CNIH3: variants seen among roughly 807,000 people sequenced by gnomAD.
CNIH3 encodes protein cornichon homolog 3.
Under a neutral mutation model 24.1 loss-of-function variants are expected in CNIH3, and 14 were observed. The observed-to-expected ratio is 0.58, with a 90% CI of 0.38 to 0.91. The LOEUF (loss-of-function observed/expected upper bound fraction) is 0.91. Ranked by LOEUF, CNIH3 falls within the 40% of genes least tolerant of loss-of-function variation. The probability of loss-of-function intolerance (pLI) is 0.00; values close to 1 mark genes in which losing one functional copy is unlikely to be tolerated. For missense variants in CNIH3, 178 were observed against 196.8 expected, an observed-to-expected ratio of 0.90 and a Z score of 0.57; for synonymous variants, 68 against 73.8, an observed-to-expected ratio of 0.92 and a Z score of 0.40.
chr1:224,479,822 G>A (rs551255014), intron 1 of CNIH3, among the ~76,000 whole-genome samples: 1 of 152,176 alleles, frequency 6.6e-6, no homozygotes, highest in Non-Finnish European at 1.5e-5. Context: ...CTCCCTCCTG[G>A]CTGCTTTCAT....
intron 4 of CNIH3, among the ~76,000 whole-genome samples, chr1:224,569,654 G>A (rs1193927353): frequency 6.6e-6 from 1 of 152,146 alleles, no homozygotes; most frequent in East Asian, 1.9e-4. Context: ...CAGTGTGAGT[G>A]TTCTGGTTTT....
intron 4 of CNIH3, among the ~76,000 whole-genome samples, chr1:224,579,067 C>CTTTTTTTTTTTTTTTTTTTTTTTTTTT (rs60330387): frequency 7.2e-6 from 1 of 138,942 alleles, no homozygotes. Flanking sequence ...TTTCTTTTTT[C>CTTTTTTTTTTTTTTTTTTTTTTTTTTT]TTTTTTTTTT....
At chr1:224,464,784 TAA>T (rs1676085075) in intron 1 of CNIH3, among the ~76,000 whole-genome samples, 1 of 152,200 alleles carries the variant, frequency 6.6e-6, no homozygotes, top group African/African-American at 2.4e-5. Context: ...TTCTTTTTTT[TAA>T]AGATTTTATT....
intron 1 of CNIH3, among the ~76,000 whole-genome samples, chr1:224,651,944 G>A (rs766169663): frequency 6.6e-6 from 1 of 152,136 alleles, no homozygotes; most frequent in Non-Finnish European, 1.5e-5. Flanking sequence ...AGCCATGGGT[G>A]GGGGCTCCTT....
intron 1 of CNIH3, among the ~76,000 whole-genome samples, chr1:224,644,657 G>C (rs183678716): frequency 3.3e-4 from 50 of 152,170 alleles, no homozygotes; most frequent in African/African-American, 1.2e-3. Context: ...GCAGATGACT[G>C]TCCTTTATCC....
chr1:224,641,018 G>A (rs897912573), intron 1 of CNIH3, among the ~76,000 whole-genome samples: 19 of 152,204 alleles, frequency 1.2e-4, no homozygotes, highest in African/African-American at 4.3e-4. Context: ...CTTTGCATGT[G>A]CTATATTTGC....
At chr1:224,444,329 TA>T (rs1286239709) in intron 1 of CNIH3, among the ~76,000 whole-genome samples, 1 of 152,134 alleles carries the variant, frequency 6.6e-6, no homozygotes, top group Non-Finnish European at 1.5e-5. Flanking sequence ...AAGCAGGATC[TA>T]AAAAAGGCCC....
At chr1:224,503,377 CT>C (rs1432616839) in intron 1 of CNIH3, among the ~76,000 whole-genome samples, 1 of 152,138 alleles carries the variant, frequency 6.6e-6, no homozygotes, top group African/African-American at 2.4e-5. Context: ...CTTTGTTCCT[CT>C]TGTCTCTGTC....
At chr1:224,442,658 CTT>C (rs940454544) in intron 1 of CNIH3, among the ~76,000 whole-genome samples, 1 of 152,140 alleles carries the variant, frequency 6.6e-6, no homozygotes, top group African/African-American at 2.4e-5. Flanking sequence ...ATATTGTACT[CTT>C]TTAATCTTCC....
intron 3 of CNIH3, among the ~76,000 whole-genome samples, chr1:224,552,596 A>G (rs1392677455): frequency 6.6e-6 from 1 of 151,886 alleles, no homozygotes; most frequent in Non-Finnish European, 1.5e-5. Flanking sequence ...TCTCTTAGAT[A>G]TAATGAATAA....
At chr1:224,634,521 C>T (rs574340295) in intron 1 of CNIH3, among the ~76,000 whole-genome samples, 20 of 150,826 alleles carry the variant, frequency 1.3e-4, no homozygotes, top group Admixed American at 4.0e-4. Context: ...TGCAGTGAGC[C>T]GAGATTGTGC....
intron 2 of CNIH3, among the ~76,000 whole-genome samples, chr1:224,528,930 G>C (rs899330003): frequency 7.2e-5 from 11 of 152,228 alleles, no homozygotes; most frequent in African/African-American, 2.7e-4. Flanking sequence ...TTTGGAGAAT[G>C]TTGAGGTTCT....
At chr1:224,534,814 G>A (rs986477452) in intron 2 of CNIH3, among the ~76,000 whole-genome samples, 2 of 152,090 alleles carry the variant, frequency 1.3e-5, no homozygotes, top group African/African-American at 4.8e-5. Flanking sequence ...TTTCACAGCC[G>A]CATTACAGGG....
chr1:224,561,069 C>T lies in CNIH3; in HGVS notation n.451-5130C>T, dbSNP rs555507003. ...TTTGAGTTTCTTACCCTTTGTTCTA[C>T]TGGGTTCTCTGTTATTTTGCTTTTG... is the stretch of plus-strand genomic sequence containing the variant. On this transcript the variant is annotated intron_variant and non_coding_transcript_variant, in intron 3 of 5. Coordinates refer to the CNIH3 transcript ENST00000471578. Among the ~76,000 whole-genome samples, 3 of 152,280 alleles carry T rather than the reference C, an allele frequency of 2.0e-5. No individual in the cohort carries two copies. In the South Asian group the frequency reaches 6.2e-4, roughly 32 times the overall value.
intron 1 of CNIH3, among the ~76,000 whole-genome samples, chr1:224,627,007 C>T (rs965148248): frequency 1.3e-5 from 2 of 152,138 alleles, no homozygotes; most frequent in African/African-American, 4.8e-5. Flanking sequence ...TTACACACTT[C>T]TGTGTGCCTG....
chr1:224,738,124 G>T (rs1315109365), intron 5 of CNIH3, among the ~76,000 whole-genome samples: 1 of 152,200 alleles, frequency 6.6e-6, no homozygotes, highest in Non-Finnish European at 1.5e-5. Flanking sequence ...GCAGTGTCCT[G>T]GCCCGTGCCT....
At chr1:224,683,568 T>C (rs1205213741) in intron 2 of CNIH3, among the ~76,000 whole-genome samples, 2 of 152,238 alleles carry the variant, frequency 1.3e-5, no homozygotes, top group East Asian at 1.9e-4. Context: ...CTGATCCATA[T>C]GATGCGTCTC....
chr1:224,734,841 C>T lies in CNIH3; in HGVS notation c.455+135C>T, dbSNP rs570169952. The T allele has an allele frequency of 1.9e-5, 17 of 872,646 alleles. No individual in the cohort carries two copies. In the South Asian group the frequency reaches 2.7e-4, roughly 14 times the overall value. The allele number at this position is 872,646 out of a possible 1,614,324, so 54.1% of individuals were successfully genotyped here. ...CATGGCCATTCAGGTGTAGTCCCAG[C>T]TGTCTGACTCTGGCTCAGGAGCAAG... On this transcript the variant is annotated intron_variant, in intron 5 of 5. Transcript: ENST00000272133.
chr1:224,739,303 T>C (rs1197364934), intron 5 of CNIH3, 26 bp from the exon 6 acceptor site: 9 of 1,408,490 alleles, frequency 6.4e-6, no homozygotes, highest in Admixed American at 4.9e-5. Context: ...CTCTTTTTTT[T>C]TTTTTTTTTT....
Sources: gnomAD v4.1 joint callset for allele counts (sites outside exome capture counted in the v4.1 genomes callset) on GRCh38, gnomAD v4.1.1 for gene constraint, MANE v1.5 for transcripts, NCBI Gene and HGNC (gene_info 2026-07-23, HGNC 2026-07-21) for gene names.